LPAR1: variants seen among roughly 807,000 people sequenced by gnomAD.
LPAR1 encodes lysophosphatidic acid receptor 1, also known as LPA receptor 1.
In LPAR1, 5 loss-of-function variants were observed where a neutral mutation model predicts 23.8. The observed-to-expected ratio is 0.21, with a 90% CI of 0.11 to 0.44. LPAR1 has a LOEUF of 0.44. Ranked by LOEUF, LPAR1 falls within the 20% of genes least tolerant of loss-of-function variation. LPAR1 has a pLI of 0.99. For missense variants in LPAR1, 311 were observed against 482.8 expected (o/e 0.64, Z 3.33); for synonymous variants, 160 against 164.7 (o/e 0.97, Z 0.22).
At chr9:110,882,913 C>T (rs2081275785) in intron 5 of LPAR1, among the ~76,000 whole-genome samples, 1 of 152,128 alleles carries the variant, frequency 6.6e-6, no homozygotes, top group Non-Finnish European at 1.5e-5. Context: ...GAAATTTTAA[C>T]AACAAGAAAC....
chr9:111,012,017 A>G (rs575807518), intron 2 of LPAR1, among the ~76,000 whole-genome samples: 1 of 152,230 alleles, frequency 6.6e-6, no homozygotes. Flanking sequence ...TGAGAGGCCA[A>G]GGCAGAAAGA....
chr9:110,876,077 T>G (rs1045642246), intron 5 of LPAR1, among the ~76,000 whole-genome samples: 12 of 152,202 alleles, frequency 7.9e-5, no homozygotes, highest in African/African-American at 2.9e-4. Flanking sequence ...AGTGTTATTT[T>G]CAGGCAAAAG....
At chr9:110,939,674 T>C (rs1228926150) in intron 5 of LPAR1, among the ~76,000 whole-genome samples, 2 of 147,240 alleles carry the variant, frequency 1.4e-5, no homozygotes, top group Non-Finnish European at 3.0e-5. Flanking sequence ...CAAAAGTATG[T>C]GAATCATTCA....
chr9:110,920,973 T>C (rs1244309298), intron 5 of LPAR1, among the ~76,000 whole-genome samples: 1 of 100,096 alleles, frequency 1.0e-5, no homozygotes, highest in African/African-American at 4.2e-5. Flanking sequence ...AACAACAAAT[T>C]TTTTTTTTTT....
chr9:111,038,706 G>T, upstream of LPAR1: 1 of 452,282 alleles, frequency 2.2e-6, no homozygotes, highest in South Asian at 1.6e-5. This position sits in a 1 kb window ranked among gnomAD's most constrained non-coding sequence, Gnocchi z 4.4. Context: ...CCATTCATTG[G>T]CTCGACAGCC....
At chr9:111,000,694 CTG>C (rs1215162269) in intron 2 of LPAR1, among the ~76,000 whole-genome samples, 2 of 152,214 alleles carry the variant, frequency 1.3e-5, no homozygotes, top group East Asian at 3.8e-4. Context: ...TAGGCCCACA[CTG>C]TCCAATATGA....
chr9:111,038,898 G>A (rs1423890407), upstream of LPAR1, among the ~76,000 whole-genome samples: 1 of 152,064 alleles, frequency 6.6e-6, no homozygotes, highest in Non-Finnish European at 1.5e-5. The surrounding 1 kb of genome is among the most constrained non-coding windows in gnomAD (Gnocchi z 4.4). Flanking sequence ...GCAGGACTCC[G>A]GTGGACGCCC....
intron 4 of LPAR1, among the ~76,000 whole-genome samples, chr9:110,953,057 T>C (rs1403900539): frequency 1.3e-5 from 2 of 152,130 alleles, no homozygotes; most frequent in Non-Finnish European, 2.9e-5. Context: ...GCAGCCACTG[T>C]CAACACAGTA....
At chr9:110,885,191 T>C (rs1024704504) in intron 5 of LPAR1, among the ~76,000 whole-genome samples, 2 of 152,242 alleles carry the variant, frequency 1.3e-5, no homozygotes, top group Non-Finnish European at 2.9e-5. Context: ...TTTGACGTTA[T>C]TTTGTGTTTC....
intron 2 of LPAR1, among the ~76,000 whole-genome samples, chr9:111,004,557 G>C (rs1010747191): frequency 3.9e-5 from 6 of 152,098 alleles, no homozygotes; most frequent in African/African-American, 1.4e-4. Flanking sequence ...TTGACCCTCT[G>C]TTGGCATTTT....
chr9:111,017,656 T>C (rs2097481412), intron 2 of LPAR1, among the ~76,000 whole-genome samples: 1 of 152,232 alleles, frequency 6.6e-6, no homozygotes, highest in Non-Finnish European at 1.5e-5. Flanking sequence ...TTTCTAGTAG[T>C]TAACCAGTTA....
intron 2 of LPAR1, among the ~76,000 whole-genome samples, chr9:111,029,527 T>C (rs1186364674): frequency 6.6e-6 from 1 of 152,062 alleles, no homozygotes; most frequent in African/African-American, 2.4e-5. Context: ...CTCTTCTGCA[T>C]GGAATGAGCT....
At chr9:110,961,440 G>A (rs1222860482) in intron 4 of LPAR1, among the ~76,000 whole-genome samples, 4 of 151,676 alleles carry the variant, frequency 2.6e-5, no homozygotes, top group African/African-American at 9.7e-5. Context: ...GGCCAACATG[G>A]TGAAATCCCA....
intron 5 of LPAR1, among the ~76,000 whole-genome samples, chr9:110,927,945 G>A (rs185782473): frequency 3.9e-5 from 6 of 152,098 alleles, no homozygotes; most frequent in Admixed American, 2.0e-4. Flanking sequence ...CTCTAGAAAT[G>A]TCTTCTCAAT....
intron 2 of LPAR1, among the ~76,000 whole-genome samples, chr9:111,024,902 G>A (rs2097658381): frequency 6.6e-6 from 1 of 152,124 alleles, no homozygotes; most frequent in African/African-American, 2.4e-5. Context: ...TGGCTGCATA[G>A]TATTCCACAG....
chr9:110,893,650 G>T (rs948883067), intron 5 of LPAR1, among the ~76,000 whole-genome samples: 1 of 152,042 alleles, frequency 6.6e-6, no homozygotes, highest in Non-Finnish European at 1.5e-5. Flanking sequence ...ACTTTTTTTG[G>T]TAAGAAACAT....
At chr9:110,999,584 T>A (rs1045194915) in intron 2 of LPAR1, 2 of 365,030 alleles carry the variant, frequency 5.5e-6, no homozygotes, top group African/African-American at 4.3e-5. Context: ...AGGCTGGAAG[T>A]CGAAGACCAG....
chr9:110,956,283 A>T (rs1342828850), intron 4 of LPAR1, among the ~76,000 whole-genome samples: 1 of 152,066 alleles, frequency 6.6e-6, no homozygotes, highest in Non-Finnish European at 1.5e-5. Flanking sequence ...GAAATACTTA[A>T]TGTAGGTGAC....
intron 2 of LPAR1, among the ~76,000 whole-genome samples, chr9:110,974,708 T>C (rs560222099): frequency 2.0e-5 from 3 of 152,340 alleles, no homozygotes; most frequent in Non-Finnish European, 1.5e-5. Context: ...AGTACTGATA[T>C]TCTCCTTAGT....
Sources: gnomAD v4.1 joint callset for allele counts (sites outside exome capture counted in the v4.1 genomes callset) on GRCh38, gnomAD v4.1.1 for gene constraint, Gnocchi (gnomAD v3.1) non-coding constraint, MANE v1.5 for transcripts, NCBI Gene and HGNC (gene_info 2026-07-23, HGNC 2026-07-21) for gene names.